Variants in PAN3 observed in about 807,000 individuals in gnomAD.
PAN3 encodes PAN2-PAN3 deadenylation complex subunit PAN3.
In PAN3, 19 loss-of-function variants were observed where a neutral mutation model predicts 96.2. The ratio of observed to expected loss-of-function variants is 0.20; its 90% CI spans 0.14 to 0.29. PAN3 has a LOEUF of 0.29. Among genes scored for constraint, PAN3 ranks in the 10% least tolerant of loss-of-function variants. PAN3 has a pLI of 1.00. For missense variants in PAN3, 882 were observed against 1,108.1 expected (o/e 0.80, Z 2.90); for synonymous variants, 433 against 406.6 (o/e 1.06, Z -0.78).
At chr13:28,273,381 C>G (rs959993044) in intron 14 of PAN3, among the ~76,000 whole-genome samples, 1 of 152,012 alleles carries the variant, frequency 6.6e-6, no homozygotes, top group Non-Finnish European at 1.5e-5. Context: ...GTGGGCAGAT[C>G]ACTTGAGCTC....
intron 6 of PAN3, among the ~76,000 whole-genome samples, chr13:28,243,592 TAATG>T (rs1883882345): frequency 6.6e-6 from 1 of 152,220 alleles, no homozygotes; most frequent in African/African-American, 2.4e-5. Context: ...AGCCTTTTAA[TAATG>T]GTCTGATTAA....
At chr13:28,239,670 G>T (rs752363103) in intron 6 of PAN3, 1 of 1,289,098 alleles carries the variant, frequency 7.8e-7, no homozygotes. Flanking sequence ...TGGATAGTTT[G>T]GGCAGCGTTG....
At chr13:28,214,529 CTT>C (rs1335369284) in intron 5 of PAN3, 1 of 285,184 alleles carries the variant, frequency 3.5e-6, no homozygotes, top group Admixed American at 4.6e-5. Context: ...TGGGAAGAGA[CTT>C]TTATCAACAT....
At chr13:28,146,391 C>T (rs1870652387) in intron 1 of PAN3, among the ~76,000 whole-genome samples, 1 of 151,792 alleles carries the variant, frequency 6.6e-6, no homozygotes, top group Admixed American at 6.6e-5. Flanking sequence ...CCTGCCCCTC[C>T]TCCCCCCATA....
chr13:28,229,298 G>A (rs760687588), intron 6 of PAN3, among the ~76,000 whole-genome samples: 13 of 152,276 alleles, frequency 8.5e-5, no homozygotes, highest in Middle Eastern at 3.4e-3. Flanking sequence ...TTTATCTAGC[G>A]TCAGGGGAAA....
intron 5 of PAN3, chr13:28,215,870 T>C (rs1292147618): frequency 6.6e-6 from 9 of 1,362,126 alleles, no homozygotes; most frequent in Admixed American, 1.7e-5. Context: ...TCACCAGGTT[T>C]GCCCAGAAAT....
chr13:28,165,993 C>T lies in PAN3; in HGVS notation c.431-8279C>T, dbSNP rs146453410. ...TCAACACATGAATTTTGCAGGGGGTCGGGGGGACATTCAGACCATTGCATT... is the reference window on the plus strand; with the variant it reads ...TCAACACATGAATTTTGCAGGGGGTTGGGGGGACATTCAGACCATTGCATT... On this transcript the variant is annotated intron_variant, in intron 1 of 18. Transcript: ENST00000380958. 3.2e-3 allele frequency among the ~76,000 whole-genome samples: 489 copies of T among 152,224 alleles called. 5 individuals are homozygous for T. Among genetic ancestry groups the T allele is most frequent in the Middle Eastern group, 0.02 (6 of 294 alleles).
At chr13:28,156,767 T>G (rs1593375093) in intron 1 of PAN3, among the ~76,000 whole-genome samples, 1 of 152,052 alleles carries the variant, frequency 6.6e-6, no homozygotes, top group African/African-American at 2.4e-5. Context: ...CCAAGGCAGG[T>G]AGATGGCTTG....
chr13:28,285,295 T>G (rs2138741323), intron 17 of PAN3, among the ~76,000 whole-genome samples: 1 of 152,310 alleles, frequency 6.6e-6, no homozygotes, highest in African/African-American at 2.4e-5. Context: ...TCTTGAGTGG[T>G]TGTGTTAGCG....
At chr13:28,202,509 T>C (rs559082031) in intron 5 of PAN3, among the ~76,000 whole-genome samples, 1 of 152,310 alleles carries the variant, frequency 6.6e-6, no homozygotes, top group East Asian at 1.9e-4. Flanking sequence ...TTATGTTACA[T>C]AAAATATAAA....
intron 4 of PAN3, among the ~76,000 whole-genome samples, chr13:28,193,228 G>A (rs533892688): frequency 3.4e-4 from 52 of 152,254 alleles, no homozygotes; most frequent in African/African-American, 1.2e-3. Flanking sequence ...TTTACTTTTG[G>A]ATTAGAGTTT....
At chr13:28,196,422 C>T (rs1265703835) in intron 4 of PAN3, among the ~76,000 whole-genome samples, 1 of 152,124 alleles carries the variant, frequency 6.6e-6, no homozygotes, top group Non-Finnish European at 1.5e-5. Context: ...CTGCTAACCA[C>T]TATTAAGATA....
intron 18 of PAN3, among the ~76,000 whole-genome samples, chr13:28,288,534 C>T (rs531955307): frequency 3.9e-5 from 6 of 152,290 alleles, no homozygotes; most frequent in South Asian, 2.1e-4. Flanking sequence ...TCAAGTGATT[C>T]GCCTGCCTCA....
chr13:28,249,873 A>T (rs1417863898), intron 6 of PAN3, among the ~76,000 whole-genome samples: 1 of 152,188 alleles, frequency 6.6e-6, no homozygotes, highest in Non-Finnish European at 1.5e-5. Flanking sequence ...TTTCTCACAT[A>T]TTCTTACATT....
intron 5 of PAN3, among the ~76,000 whole-genome samples, chr13:28,202,665 A>G (rs1252048850): frequency 6.6e-6 from 1 of 151,982 alleles, no homozygotes; most frequent in Non-Finnish European, 1.5e-5. Context: ...GTATACACAC[A>G]CACACACACA....
intron 3 of PAN3, among the ~76,000 whole-genome samples, chr13:28,176,764 T>A (rs1875065428): frequency 6.6e-6 from 1 of 151,986 alleles, no homozygotes; most frequent in Non-Finnish European, 1.5e-5. Flanking sequence ...CCCAGCACTT[T>A]GGGAGGCTCA....
intron 6 of PAN3, among the ~76,000 whole-genome samples, chr13:28,223,823 A>G (rs1161491140): frequency 6.6e-6 from 1 of 151,296 alleles, no homozygotes; most frequent in Non-Finnish European, 1.5e-5. Context: ...AATGTGCTTA[A>G]TATATGAAAT....
chr13:28,267,518 CTA>C, intron 12 of PAN3, 117 bp downstream of exon 12: 1 of 841,532 alleles, frequency 1.2e-6, no homozygotes, highest in Non-Finnish European at 1.8e-6. Context: ...TTTAAAGACT[CTA>C]TTACATTTTG....
rs184535492 is a variant in PAN3 at position 28,255,298 on chromosome 13, A to G, written c.1001-994A>G. Among the ~76,000 whole-genome samples the G allele has an allele frequency of 3.1e-4, 47 of 152,228 alleles. No individual in the cohort carries two copies. In the East Asian group the frequency reaches 8.5e-3, roughly 28 times the overall value. ...ACCCTTTTCAGTCTGCTCAGAACTG[A>G]TCACCTCCATTAAGCCTTTGATTAA... is the stretch of plus-strand genomic sequence containing the variant. On this transcript the variant is annotated intron_variant, in intron 6 of 18. Transcript: ENST00000380958.
Sources: allele counts gnomAD v4.1 joint callset (sites outside exome capture counted in the v4.1 genomes callset), GRCh38; gene constraint gnomAD v4.1.1; transcripts MANE v1.5; gene names NCBI Gene and HGNC (gene_info 2026-07-23, HGNC 2026-07-21).